Variants in RASGEF1C observed in about 807,000 individuals in gnomAD.
The protein encoded by RASGEF1C is ras-GEF domain-containing family member 1C.
RASGEF1C carries 27 observed loss-of-function variants against 58.1 expected under a neutral mutation model. The ratio of observed to expected loss-of-function variants is 0.46; its 90% CI spans 0.34 to 0.64. The LOEUF (loss-of-function observed/expected upper bound fraction) is 0.64. Among genes scored for constraint, RASGEF1C ranks in the 30% least tolerant of loss-of-function variants. The pLI, the probability that RASGEF1C is intolerant of heterozygous loss-of-function variation, is 0.01. For missense variants in RASGEF1C, 502 were observed against 605.1 expected (o/e 0.83, Z 1.79); for synonymous variants, 243 against 246.3 (o/e 0.99, Z 0.13).
intron 1 of RASGEF1C, among the ~76,000 whole-genome samples, chr5:180,194,737 G>A (rs973986070): frequency 2.0e-5 from 3 of 152,206 alleles, no homozygotes; most frequent in African/African-American, 7.2e-5. Flanking sequence ...CATTTTACGG[G>A]AGTACGTCAC....
intron 1 of RASGEF1C, among the ~76,000 whole-genome samples, chr5:180,188,074 C>G (rs1756072800): frequency 6.6e-6 from 1 of 152,050 alleles, no homozygotes; most frequent in Non-Finnish European, 1.5e-5. Flanking sequence ...AAGGGGGAAA[C>G]AACCCACATG....
At chr5:180,173,765 T>G (rs995355623) in intron 1 of RASGEF1C, among the ~76,000 whole-genome samples, 2 of 151,690 alleles carry the variant, frequency 1.3e-5, no homozygotes, top group Admixed American at 6.6e-5. Context: ...ATACAGAAAT[T>G]AGCTGGGCGT....
intron 1 of RASGEF1C, among the ~76,000 whole-genome samples, chr5:180,183,422 T>C (rs1755948086): frequency 6.6e-6 from 1 of 150,574 alleles, no homozygotes; most frequent in South Asian, 2.1e-4. Flanking sequence ...CAAAGGGATA[T>C]AGCTTAAAAA....
At chr5:180,178,848 T>A (rs1767274279) in intron 1 of RASGEF1C, among the ~76,000 whole-genome samples, 1 of 151,668 alleles carries the variant, frequency 6.6e-6, no homozygotes, top group Non-Finnish European at 1.5e-5. Context: ...CCGGCTGATA[T>A]GTGGAGGGGA....
At chr5:180,116,198 G>A (rs1160440096) in intron 10 of RASGEF1C, among the ~76,000 whole-genome samples, 1 of 152,154 alleles carries the variant, frequency 6.6e-6, no homozygotes, top group African/African-American at 2.4e-5. Flanking sequence ...CAGCCAAACA[G>A]GCCTTTGTAT....
intron 12 of RASGEF1C, among the ~76,000 whole-genome samples, chr5:180,107,472 A>G (rs527377037): frequency 3.9e-5 from 6 of 152,262 alleles, no homozygotes; most frequent in African/African-American, 1.4e-4. Context: ...TCTTTTGGCA[A>G]TTGAAAAATG....
chr5:180,155,217 G>A lies in RASGEF1C; in HGVS notation c.-6-17159C>T, dbSNP rs1475806307. 6.6e-6 allele frequency among the ~76,000 whole-genome samples: 1 copy of A among 152,202 alleles called. No individual in the cohort carries two copies. The highest frequency in any genetic ancestry group is 2.4e-5 in the African/African-American group (1 of 41,454). On this transcript the variant is annotated intron_variant, in intron 1 of 13. Transcript: ENST00000361132. The surrounding 1 kb of genome is among the most constrained non-coding windows in gnomAD (Gnocchi z 5.2). ...GGACTATGCTAGCTCATGTCTGGCT[G>A]CCCCGAGCAGTGGTAGCATCACGTC... is the stretch of plus-strand genomic sequence containing the variant.
intron 1 of RASGEF1C, among the ~76,000 whole-genome samples, chr5:180,206,754 A>T (rs1756496263): frequency 1.3e-5 from 2 of 152,248 alleles, no homozygotes; most frequent in Non-Finnish European, 2.9e-5. Flanking sequence ...ATGTGAGTGT[A>T]AAAAAGAATG....
intron 1 of RASGEF1C, among the ~76,000 whole-genome samples, chr5:180,205,451 T>C (rs1756470570): frequency 6.6e-6 from 1 of 152,098 alleles, no homozygotes; most frequent in South Asian, 2.1e-4. Flanking sequence ...CAGAAAGACA[T>C]CTCTCAGTTT....
At chr5:180,127,311 G>T (rs1766278642) in intron 6 of RASGEF1C, among the ~76,000 whole-genome samples, 1 of 152,180 alleles carries the variant, frequency 6.6e-6, no homozygotes, top group African/African-American at 2.4e-5. Context: ...CCTGCCCAGG[G>T]TCCTGGCCCA....
chr5:180,115,231 G>A (rs1458525845), intron 10 of RASGEF1C: 2 of 416,740 alleles, frequency 4.8e-6, no homozygotes, highest in East Asian at 7.1e-5. Context: ...GGCCAGGCTG[G>A]TATTGAACTC....
intron 4 of RASGEF1C, 147 bp from the exon 5 acceptor site, chr5:180,128,757 G>A (rs1267646344): frequency 6.3e-6 from 5 of 796,402 alleles, no homozygotes. Flanking sequence ...CAGGGGCCAG[G>A]ACCTGCCCCT....
intron 1 of RASGEF1C, among the ~76,000 whole-genome samples, chr5:180,138,616 C>T (rs1400686624): frequency 6.6e-6 from 1 of 152,174 alleles, no homozygotes; most frequent in Admixed American, 6.5e-5. Flanking sequence ...AGCACAGAAG[C>T]TGCTCCATGG....
chr5:180,122,364 A>T (rs182430839), intron 6 of RASGEF1C, among the ~76,000 whole-genome samples: 99 of 152,284 alleles, frequency 6.5e-4, no homozygotes, highest in African/African-American at 2.2e-3. Context: ...TGGAAAAAAA[A>T]TTTTTAAATG....
At chr5:180,191,547 G>A (rs6882357) in intron 1 of RASGEF1C, among the ~76,000 whole-genome samples, 60,091 of 151,372 alleles carry the variant, frequency 0.4, 13,161 homozygotes, top group African/African-American at 0.59. Context: ...TAGTAGAGAC[G>A]GGATTTCACC....
At chr5:180,175,240 C>T (rs980019839) in intron 1 of RASGEF1C, among the ~76,000 whole-genome samples, 2 of 152,206 alleles carry the variant, frequency 1.3e-5, no homozygotes, top group African/African-American at 4.8e-5. Context: ...CCCCCAGCGC[C>T]GGGGAAAGGC....
intron 1 of RASGEF1C, among the ~76,000 whole-genome samples, chr5:180,160,383 C>T: frequency 6.6e-6 from 1 of 152,200 alleles, no homozygotes; most frequent in Admixed American, 6.5e-5. Flanking sequence ...CCCTGTGAGC[C>T]TAGAGACCTT....
At chr5:180,105,989 C>T (rs756537592) in intron 12 of RASGEF1C, among the ~76,000 whole-genome samples, 7 of 152,288 alleles carry the variant, frequency 4.6e-5, no homozygotes, top group Admixed American at 1.3e-4. Flanking sequence ...GCACAAATGC[C>T]GGGCAAAGGG....
intron 1 of RASGEF1C, among the ~76,000 whole-genome samples, chr5:180,152,633 C>A (rs1021991196): frequency 2.0e-5 from 3 of 150,018 alleles, no homozygotes; most frequent in African/African-American, 7.4e-5. Context: ...TTAATGGGTG[C>A]AGCACACCAA....
Sources: gnomAD v4.1 joint callset for allele counts (sites outside exome capture counted in the v4.1 genomes callset) on GRCh38, gnomAD v4.1.1 for gene constraint, Gnocchi (gnomAD v3.1) non-coding constraint, MANE v1.5 for transcripts, NCBI Gene and HGNC (gene_info 2026-07-23, HGNC 2026-07-21) for gene names.